Variants in MYT1L observed in about 807,000 individuals in gnomAD.
MYT1L encodes the protein myelin transcription factor 1 like, also known as myelin transcription factor 1-like protein.
A neutral mutation model predicts 126.7 loss-of-function variants in MYT1L; 12 were observed. The ratio of observed to expected loss-of-function variants is 0.09; its 90% CI spans 0.06 to 0.15. The LOEUF is 0.15. Ranked by LOEUF, MYT1L falls within the 10% of genes least tolerant of loss-of-function variation. The pLI, the probability that MYT1L is intolerant of heterozygous loss-of-function variation, is 1.00. For synonymous variants in MYT1L, 541 were observed against 604.2 expected, an observed-to-expected ratio of 0.90 and a Z score of 1.53; for missense variants, 979 against 1,585.2, an observed-to-expected ratio of 0.62 and a Z score of 6.49.
At chr2:2,262,556 G>A (rs2149288105) in intron 2 of MYT1L, among the ~76,000 whole-genome samples, 1 of 151,820 alleles carries the variant, frequency 6.6e-6, no homozygotes, top group East Asian at 2.0e-4. Context: ...AGCCGGGCAT[G>A]GTGGCGGGCA....
intron 14 of MYT1L, among the ~76,000 whole-genome samples, chr2:1,893,967 C>T (rs1356377867): frequency 4.6e-5 from 7 of 152,198 alleles, no homozygotes; most frequent in African/African-American, 1.7e-4. Context: ...CTGTCTTCGT[C>T]TCAGCCTCTG....
Position 1,923,203 on chromosome 2 carries a change from T to C in MYT1L, c.566A>G (p.Asn189Ser). 3 of 1,613,190 alleles carry C rather than the reference T, an allele frequency of 1.9e-6. No individual in the cohort carries two copies. Among genetic ancestry groups the C allele is most frequent in the Middle Eastern group, 1.7e-4 (1 of 6,060 alleles). The change falls in exon 10 of 25, where the codon AAC (asparagine) becomes AGC (serine). Residue 189 changes from asparagine to serine, a missense_variant. Asn to Ser is a conservative substitution (Grantham distance 46). This residue lies in a region of MYT1L where 243 missense variants were observed against 363.9 expected (regional missense o/e 0.67). Transcript: ENST00000647738. ...RIMQDTEKDD[N>S]NNDEYDNYDE... ...GTAATTGTCATATTCGTCATTATTG[T>C]TATCATCCTTTTCTGTGTCTTGCAT...
intron 3 of MYT1L, among the ~76,000 whole-genome samples, chr2:2,100,870 C>T (rs73911349): frequency 0.019 from 2,947 of 152,192 alleles, 84 homozygotes; most frequent in African/African-American, 0.064. Flanking sequence ...GGATTTAATA[C>T]TGGCCTAATT....
At chr2:2,292,012 G>T (rs2095607217) in intron 1 of MYT1L, among the ~76,000 whole-genome samples, 1 of 152,228 alleles carries the variant, frequency 6.6e-6, no homozygotes, top group African/African-American at 2.4e-5. Flanking sequence ...AGCGGGTGGG[G>T]CCCGACTGCC....
intron 8 of MYT1L, among the ~76,000 whole-genome samples, chr2:1,957,082 G>A (rs1360601837): frequency 1.3e-5 from 2 of 152,160 alleles, no homozygotes; most frequent in African/African-American, 4.8e-5. Flanking sequence ...GAGGTGTATG[G>A]CAGAGTGCCG....
At chr2:1,864,595 C>T (rs2045210196) in intron 18 of MYT1L, among the ~76,000 whole-genome samples, 1 of 152,252 alleles carries the variant, frequency 6.6e-6, no homozygotes, top group Non-Finnish European at 1.5e-5. Flanking sequence ...GCCTCCTGCG[C>T]AGAGCTGTCT....
chr2:2,231,042 G>A (rs984759337), intron 2 of MYT1L, among the ~76,000 whole-genome samples: 1 of 152,144 alleles, frequency 6.6e-6, no homozygotes, highest in African/African-American at 2.4e-5. Context: ...CATAGCAAAG[G>A]TGCTTCGCAA....
intron 2 of MYT1L, among the ~76,000 whole-genome samples, chr2:2,198,833 G>A (rs181995558): frequency 2.8e-4 from 43 of 152,106 alleles, no homozygotes; most frequent in African/African-American, 9.2e-4. Context: ...GCGACAGAGC[G>A]AGACTCTGTC....
rs77930129 is a variant in MYT1L, at chr2:1,819,175, G to A, written c.3081-10008C>T. On this transcript the variant is annotated intron_variant, in intron 21 of 24. Transcript: ENST00000647738. ...ATGGATTCTGGAGCCACTGCTATTC[G>A]GCAGTGACAATCAAAACACTGTTAG... Among the ~76,000 whole-genome samples the A allele has an allele frequency of 8.4e-3, 1,277 of 152,290 alleles. 16 individuals are homozygous for A. The highest frequency in any genetic ancestry group is 0.029 in the African/African-American group (1,210 of 41,550).
intron 2 of MYT1L, among the ~76,000 whole-genome samples, chr2:2,277,970 ATTAAG>A (rs1263754135): frequency 6.6e-6 from 1 of 152,250 alleles, no homozygotes; most frequent in East Asian, 1.9e-4. Context: ...AAAAGTCAGT[ATTAAG>A]TTATTTCTGC....
chr2:1,813,644 G>T (rs999463355), intron 21 of MYT1L, among the ~76,000 whole-genome samples: 1 of 152,128 alleles, frequency 6.6e-6, no homozygotes, highest in African/African-American at 2.4e-5. Context: ...CTGCGAGGGG[G>T]TCCGGGCTGC....
At chr2:1,888,134 A>G (rs1385140238) in intron 16 of MYT1L, among the ~76,000 whole-genome samples, 1 of 152,244 alleles carries the variant, frequency 6.6e-6, no homozygotes. Flanking sequence ...CAACTGCAGT[A>G]ACGTAGATGT....
chr2:2,123,546 G>A (rs1255482999), intron 3 of MYT1L, among the ~76,000 whole-genome samples: 1 of 152,132 alleles, frequency 6.6e-6, no homozygotes, highest in Admixed American at 6.5e-5. Context: ...TTGTTTAAAA[G>A]TGTGTGGCAA....
At chr2:2,006,133 C>T (rs113024482) in intron 4 of MYT1L, among the ~76,000 whole-genome samples, 5,785 of 152,098 alleles carry the variant, frequency 0.038, 148 homozygotes, top group Non-Finnish European at 0.05. Context: ...GTTTCCTGCA[C>T]GTGTTCTTTC....
At chr2:1,802,561 C>G (rs138668558) in intron 22 of MYT1L, among the ~76,000 whole-genome samples, 2 of 152,200 alleles carry the variant, frequency 1.3e-5, no homozygotes, top group African/African-American at 2.4e-5. Flanking sequence ...TGTACCTGAC[C>G]ATCTGAGTGT....
chr2:2,185,078 T>C (rs1354534675), intron 2 of MYT1L, among the ~76,000 whole-genome samples: 1 of 152,188 alleles, frequency 6.6e-6, no homozygotes, highest in African/African-American at 2.4e-5. Context: ...AATGCCCTCA[T>C]GCTGCAAACC....
At chr2:1,951,980 C>T (rs894936478) in intron 8 of MYT1L, among the ~76,000 whole-genome samples, 24 of 152,142 alleles carry the variant, frequency 1.6e-4, no homozygotes, top group Non-Finnish European at 2.8e-4. Context: ...ACTAATAAAA[C>T]CAATTCAGTT....
intron 8 of MYT1L, among the ~76,000 whole-genome samples, chr2:1,969,662 T>A (rs1249096056): frequency 1.3e-5 from 2 of 152,220 alleles, no homozygotes; most frequent in African/African-American, 4.8e-5. Context: ...CACTCAGGAA[T>A]GGCTGTGGGA....
intron 1 of MYT1L, among the ~76,000 whole-genome samples, chr2:2,293,103 G>T (rs2095623070): frequency 6.6e-6 from 1 of 152,210 alleles, no homozygotes; most frequent in Admixed American, 6.5e-5. Flanking sequence ...GAGGCATCTG[G>T]AGCCAGAGGG....
Sources: gnomAD v4.1 joint callset for allele counts (sites outside exome capture counted in the v4.1 genomes callset) on GRCh38, gnomAD v4.1.1 for gene constraint, gnomAD v4.1.1 regional missense constraint, MANE v1.5 for transcripts, NCBI Gene and HGNC (gene_info 2026-07-23, HGNC 2026-07-21) for gene names.